The following AFAP1L2 variants were observed in gnomAD, a reference collection of about 807,000 sequenced individuals.
AFAP1L2 encodes the protein actin filament associated protein 1 like 2.
A neutral mutation model predicts 99.3 loss-of-function variants in AFAP1L2; 46 were observed. That is an observed-to-expected ratio of 0.46 (90% CI 0.37 to 0.59). The LOEUF is 0.59. Ranked by LOEUF, AFAP1L2 falls within the 20% of genes least tolerant of loss-of-function variation. AFAP1L2 has a pLI of 0.00. For missense variants in AFAP1L2, 959 were observed against 1,034.9 expected (o/e 0.93, Z 1.01); for synonymous variants, 397 against 419.1 (o/e 0.95, Z 0.64).
intron 1 of AFAP1L2, among the ~76,000 whole-genome samples, chr10:114,392,709 T>A (rs1297386817): frequency 6.6e-6 from 1 of 152,196 alleles, no homozygotes; most frequent in Non-Finnish European, 1.5e-5. Flanking sequence ...TTGGGGAGAA[T>A]ATTTGCTGCA....
rs188546047 is a variant in AFAP1L2 at position 114,371,769 on chromosome 10, C to T, written c.17-31038G>A. Among the ~76,000 whole-genome samples, 365 of 147,246 alleles carry T rather than the reference C, an allele frequency of 2.5e-3. 3 individuals carry two copies. Among genetic ancestry groups the T allele is most frequent in the African/African-American group, 8.9e-3 (354 of 39,862 alleles). On this transcript the variant is annotated intron_variant, in intron 1 of 18. Transcript: ENST00000304129. ...GCACGTGTATACCTATGTAACAAAC[C>T]TGCATGTTCTGCACATGTATCCCAG...
chr10:114,294,269 A>G (rs892547962), downstream of AFAP1L2, among the ~76,000 whole-genome samples: 2 of 152,224 alleles, frequency 1.3e-5, no homozygotes, highest in African/African-American at 4.8e-5. Flanking sequence ...TTTTGGTATC[A>G]GAGCTATACT....
intron 5 of AFAP1L2, 37 bp downstream of exon 5, chr10:114,323,134 T>A (rs1382710578): frequency 6.5e-7 from 1 of 1,540,916 alleles, no homozygotes. Context: ...CAGGAAGCAG[T>A]AAGTCACCCT....
At chr10:114,286,052 C>CGG in the AFAP1L2 span, 1 of 1,614,110 alleles carries the variant, frequency 6.2e-7, no homozygotes, top group Non-Finnish European at 8.5e-7. Context: ...GCGGTTTGTG[C>CGG]GGGCCGTGCT....
At chr10:114,290,215 G>C (rs1233899991), downstream of AFAP1L2, 5 of 1,549,840 alleles carry the variant, frequency 3.2e-6, no homozygotes, top group Non-Finnish European at 4.4e-6. Flanking sequence ...GGCCGGCCTG[G>C]TGGGTATGGT....
At chr10:114,339,583 T>C (rs984311405) in intron 2 of AFAP1L2, among the ~76,000 whole-genome samples, 2 of 152,250 alleles carry the variant, frequency 1.3e-5, no homozygotes, top group South Asian at 4.2e-4. Context: ...CCCCTGAAAA[T>C]TCATATATTA....
chr10:114,286,742 A>G, the AFAP1L2 span, among the ~76,000 whole-genome samples: 1 of 152,242 alleles, frequency 6.6e-6, no homozygotes, highest in Non-Finnish European at 1.5e-5. Context: ...TAAGATGGGC[A>G]GTGTACATGC....
chr10:114,313,628 T>C (rs1346504674), intron 7 of AFAP1L2, among the ~76,000 whole-genome samples: 1 of 152,018 alleles, frequency 6.6e-6, no homozygotes, highest in East Asian at 1.9e-4. Context: ...GATGCCTCAC[T>C]AAAGGCAAAA....
chr10:114,334,039 C>A (rs1448743440), intron 2 of AFAP1L2, among the ~76,000 whole-genome samples: 1 of 152,114 alleles, frequency 6.6e-6, no homozygotes, highest in Non-Finnish European at 1.5e-5. Flanking sequence ...AGGTAGGGGG[C>A]CATTGGATGG....
intron 1 of AFAP1L2, among the ~76,000 whole-genome samples, chr10:114,382,947 CA>C (rs1460425971): frequency 1.3e-5 from 2 of 152,092 alleles, no homozygotes; most frequent in Non-Finnish European, 2.9e-5. Flanking sequence ...AGGATACCAA[CA>C]CATAAAAATG....
At position 114,295,837 on chromosome 10, in the gene AFAP1L2, A is replaced by G; in HGVS notation, c.*205T>C. On this transcript the variant is annotated 3_prime_UTR_variant, in exon 19 of 19. Coordinates refer to ENST00000304129, the MANE Select transcript of AFAP1L2 (RefSeq NM_001001936.3). ...ACATCCAATAGACTTAGGTCTCCAA[A>G]GAAGCCTCCTTTTTGTTGTATTATT... The G allele has an allele frequency of 7.1e-7, 1 of 1,402,844 alleles. No homozygotes were observed. The highest frequency in any genetic ancestry group is 9.3e-7 in the Non-Finnish European group (1 of 1,078,546). 86.9% of individuals were successfully genotyped at this position (1,402,844 alleles called of 1,614,324 possible).
chr10:114,317,522 A>G (rs913080391), intron 5 of AFAP1L2, among the ~76,000 whole-genome samples: 1 of 152,188 alleles, frequency 6.6e-6, no homozygotes, highest in Non-Finnish European at 1.5e-5. Flanking sequence ...CTTTGATCCA[A>G]TAATCCCAGT....
At position 114,295,937 on chromosome 10, in the gene AFAP1L2, T is replaced by TTTC; in HGVS notation, c.*102_*104dup. 6.2e-7 allele frequency: 1 copy of TTTC among 1,602,134 alleles called. No homozygotes were observed. Among genetic ancestry groups the TTTC allele is most frequent in the Non-Finnish European group, 8.5e-7 (1 of 1,172,772 alleles). On this transcript the variant is annotated 3_prime_UTR_variant, in exon 19 of 19. Coordinates refer to ENST00000304129, the MANE Select transcript of AFAP1L2 (RefSeq NM_001001936.3). ...ATTCACAGTACCTCAGTCTTTGCTT[T>TTTC]TTCTTCTAAACAGACTCACCCTTTC...
chr10:114,359,028 G>A (rs2051825900), intron 1 of AFAP1L2, among the ~76,000 whole-genome samples: 1 of 152,146 alleles, frequency 6.6e-6, no homozygotes. Context: ...TTTTGACCCT[G>A]GTTATTAGTA....
rs1355392287 is a variant in AFAP1L2 at position 114,319,670 on chromosome 10, CAGAG to C, written c.406+3497_406+3500del. 3 of 1,282,042 alleles carry C rather than the reference CAGAG, an allele frequency of 2.3e-6. No individual in the cohort carries two copies. The African/African-American group carries it at 4.6e-5, about 20-fold the overall frequency. The allele number at this position is 1,282,042 out of a possible 1,614,324, so 79.4% of individuals were successfully genotyped here. ...CCTGCATAACATCCAGGAGCACAGA[CAGAG>C]GGAAGAGAAGAGAGACAGAATGAAG... On this transcript the variant is annotated intron_variant, in intron 5 of 18. Coordinates refer to ENST00000304129, the MANE Select transcript of AFAP1L2 (RefSeq NM_001001936.3).
chr10:114,310,432 T>C lies in AFAP1L2; in HGVS notation c.804A>G (p.Glu268=), dbSNP rs1440267294. 1.2e-6 allele frequency: 2 copies of C among 1,613,842 alleles called. No individual in the cohort carries two copies. The highest frequency in any genetic ancestry group is 1.7e-6 in the Non-Finnish European group (2 of 1,179,880). The change falls in exon 8 of 19, where the codon GAA becomes GAG. Residue 268 remains glutamate (E), a synonymous_variant. Transcript: ENST00000304129. ...CTCCTTCGGAAGGCAGGCCGCTCAC[T>C]TCCTGGATGACCTGAGGCAAGAGGG... ...QAEQWLRVIQ[E]VSGLPSEGAS... is the part of the protein sequence containing the mutation.
At chr10:114,296,937 A>G (rs751992520) in intron 18 of AFAP1L2, 41 bp downstream of exon 18, 9 of 1,613,694 alleles carry the variant, frequency 5.6e-6, no homozygotes, top group Non-Finnish European at 7.6e-6. Context: ...CCTTAGTGAC[A>G]TTTCTGCTGG....
chr10:114,393,711 T>C (rs1036357964), intron 1 of AFAP1L2: 5 of 151,780 alleles, frequency 3.3e-5, no homozygotes, highest in Admixed American at 6.6e-5. Flanking sequence ...AGGGAACCAG[T>C]GCGTGGTGAG....
intron 11 of AFAP1L2, among the ~76,000 whole-genome samples, chr10:114,303,006 T>A (rs2041492680): frequency 6.6e-6 from 1 of 152,200 alleles, no homozygotes; most frequent in Non-Finnish European, 1.5e-5. Context: ...TTTAAATACC[T>A]TACACTAGCT....
Sources: gnomAD v4.1 joint callset for allele counts (sites outside exome capture counted in the v4.1 genomes callset) on GRCh38, gnomAD v4.1.1 for gene constraint, MANE v1.5 for transcripts, NCBI Gene and HGNC (gene_info 2026-07-23, HGNC 2026-07-21) for gene names.